Variants in STARD13 observed in about 807,000 individuals in gnomAD.
STARD13 encodes the protein StAR related lipid transfer domain containing 13.
In STARD13, 62 loss-of-function variants were observed where a neutral mutation model predicts 106.4. The ratio of observed to expected loss-of-function variants is 0.58; its 90% CI spans 0.48 to 0.72. The LOEUF (loss-of-function observed/expected upper bound fraction) is 0.72. Ranked by LOEUF, STARD13 falls within the 30% of genes least tolerant of loss-of-function variation. The probability of loss-of-function intolerance (pLI) is 0.00; values close to 1 mark genes in which losing one functional copy is unlikely to be tolerated. For synonymous variants in STARD13, 565 were observed against 553.0 expected (o/e 1.02, Z -0.31); for missense variants, 1,387 against 1,424.0 (o/e 0.97, Z 0.42).
chr13:33,673,385 C>T, the STARD13 span, among the ~76,000 whole-genome samples: 3 of 152,138 alleles, frequency 2.0e-5, no homozygotes, highest in Non-Finnish European at 4.4e-5. Context: ...AGTTGCAAAA[C>T]TCCTAGAAAT....
At chr13:33,426,870 G>A in the STARD13 span, among the ~76,000 whole-genome samples, 1 of 152,052 alleles carries the variant, frequency 6.6e-6, no homozygotes, top group Non-Finnish European at 1.5e-5. Context: ...TACATATAAA[G>A]AATGAGTTTT....
chr13:33,476,387 A>G, the STARD13 span, among the ~76,000 whole-genome samples: 1 of 152,230 alleles, frequency 6.6e-6, no homozygotes. Context: ...TTTCAGCACT[A>G]TATCTAGAAT....
chr13:33,642,431 T>C, the STARD13 span, among the ~76,000 whole-genome samples: 1,171 of 152,142 alleles, frequency 7.7e-3, 11 homozygotes, highest in South Asian at 0.016. Flanking sequence ...GGGAGAAGAG[T>C]CTGTGGCAAG....
At chr13:33,149,850 C>T (rs958569613) in intron 3 of STARD13, among the ~76,000 whole-genome samples, 2 of 152,194 alleles carry the variant, frequency 1.3e-5, no homozygotes, top group Non-Finnish European at 2.9e-5. Context: ...GCAAAATTCT[C>T]GTGTGAGTGA....
At chr13:33,565,173 C>T in the STARD13 span, among the ~76,000 whole-genome samples, 22 of 145,900 alleles carry the variant, frequency 1.5e-4, 1 homozygote, top group African/African-American at 4.8e-4. Flanking sequence ...CTTAAAAAAA[C>T]GTGGATTTCA....
the STARD13 span, among the ~76,000 whole-genome samples, chr13:33,609,759 G>T: frequency 2.0e-5 from 3 of 151,868 alleles, no homozygotes; most frequent in African/African-American, 7.3e-5. Flanking sequence ...GTAGAGACGT[G>T]GTTTCACCGT....
the STARD13 span, among the ~76,000 whole-genome samples, chr13:33,606,922 A>G: frequency 6.6e-6 from 1 of 152,130 alleles, no homozygotes; most frequent in South Asian, 2.1e-4. Flanking sequence ...TCTCCCAGGC[A>G]CTTTAGGACC....
rs1566010518 is a variant in STARD13, at chr13:33,130,544, T to C, written c.388-255A>G. Among the ~76,000 whole-genome samples the C allele has an allele frequency of 6.6e-6, 1 of 152,216 alleles. No individual in the cohort carries two copies. On this transcript the variant is annotated intron_variant, in intron 4 of 13. Coordinates refer to ENST00000336934, the MANE Select transcript of STARD13 (RefSeq NM_178006.4). This position sits in a 1 kb window ranked among gnomAD's most constrained non-coding sequence, Gnocchi z 4.1. Reference sequence around the variant, plus strand: ...CTTCCTTCCCATTTTCAAAGAGGTTTTGAATGCCTCCTTCCTTCCTCTCTA... The same window carrying C: ...CTTCCTTCCCATTTTCAAAGAGGTTCTGAATGCCTCCTTCCTTCCTCTCTA...
In STARD13 at chr13:33,324,249, C is replaced by T. The variant is rs186361261; in HGVS notation, c.124+26041G>A. On this transcript the variant is annotated intron_variant, in intron 1 of 5. Coordinates refer to the STARD13 transcript ENST00000567873. ...GTTAAGTGTGTTACTTGAGAATATT[C>T]GAAAACATTTGCTAAGGGGTGTGAA... 1.2e-4 allele frequency among the ~76,000 whole-genome samples: 19 copies of T among 152,196 alleles called. No individual in the cohort carries two copies. The East Asian group carries it at 2.1e-3, about 17-fold the overall frequency.
chr13:33,590,184 A>G, the STARD13 span, among the ~76,000 whole-genome samples: 1 of 152,174 alleles, frequency 6.6e-6, no homozygotes, highest in Non-Finnish European at 1.5e-5. Flanking sequence ...GCGATCATTA[A>G]AAAGTCAGGA....
At chr13:33,525,297 A>G in the STARD13 span, among the ~76,000 whole-genome samples, 1 of 152,070 alleles carries the variant, frequency 6.6e-6, no homozygotes, top group Non-Finnish European at 1.5e-5. Flanking sequence ...CACTGAAATT[A>G]TAGGAGTGAG....
the STARD13 span, among the ~76,000 whole-genome samples, chr13:33,537,110 A>T: frequency 6.6e-6 from 1 of 152,268 alleles, no homozygotes; most frequent in African/African-American, 2.4e-5. Flanking sequence ...AGCACTACAG[A>T]TGAGTAAACT....
At chr13:33,142,460 G>A in intron 3 of STARD13, 87 bp from the exon 4 acceptor site, 2 of 1,231,168 alleles carry the variant, frequency 1.6e-6, no homozygotes, top group Non-Finnish European at 2.4e-6. Context: ...TTCCAGTAAA[G>A]TTGAAACTGC....
At chr13:33,425,198 G>A in the STARD13 span, among the ~76,000 whole-genome samples, 407 of 152,320 alleles carry the variant, frequency 2.7e-3, 2 homozygotes, top group African/African-American at 9.0e-3. Context: ...ACAAGTTGAG[G>A]AGGCATCATG....
intron 1 of STARD13, among the ~76,000 whole-genome samples, chr13:33,305,690 C>G (rs1017343744): frequency 6.6e-6 from 1 of 152,174 alleles, no homozygotes; most frequent in African/African-American, 2.4e-5. Flanking sequence ...ATTTGGGGAG[C>G]CTTATGATCC....
the STARD13 span, among the ~76,000 whole-genome samples, chr13:33,619,530 GACT>G: frequency 6.6e-6 from 1 of 152,070 alleles, no homozygotes; most frequent in Non-Finnish European, 1.5e-5. Flanking sequence ...TTTTTGATAA[GACT>G]ACATTATTGT....
Position 33,130,314 on chromosome 13 carries a change from C to A in STARD13, c.388-25G>T, listed in dbSNP as rs1239314177. 2 of 1,586,844 alleles carry A rather than the reference C, an allele frequency of 1.3e-6. No homozygotes were observed. The highest frequency in any genetic ancestry group is 1.1e-5 in the South Asian group (1 of 89,364). On this transcript the variant is annotated intron_variant, in intron 4 of 13. Transcript: ENST00000336934. The surrounding 1 kb of genome is among the most constrained non-coding windows in gnomAD (Gnocchi z 4.1). ...CCTGCAGAGCACCAAGGAAAATGCTCATTAGCAGACAGCGTGGCTGAAGCA... is the reference window on the plus strand; with the variant it reads ...CCTGCAGAGCACCAAGGAAAATGCTAATTAGCAGACAGCGTGGCTGAAGCA...
intron 8 of STARD13, chr13:33,117,508 G>T (rs1030426133): frequency 1.1e-5 from 6 of 553,906 alleles, no homozygotes; most frequent in African/African-American, 1.0e-4. Flanking sequence ...TAATTATACA[G>T]GCTTTGCTGA....
chr13:33,655,153 T>C, the STARD13 span, among the ~76,000 whole-genome samples: 1 of 152,360 alleles, frequency 6.6e-6, no homozygotes, highest in Non-Finnish European at 1.5e-5. Context: ...TCTTTCTAAA[T>C]TCAGAAGTAA....
Sources: gnomAD v4.1 joint callset for allele counts (sites outside exome capture counted in the v4.1 genomes callset) on GRCh38, gnomAD v4.1.1 for gene constraint, Gnocchi (gnomAD v3.1) non-coding constraint, MANE v1.5 for transcripts, NCBI Gene and HGNC (gene_info 2026-07-23, HGNC 2026-07-21) for gene names.